The following SYT1 variants were observed in gnomAD, a reference collection of about 807,000 sequenced individuals.
The protein encoded by SYT1 is synaptotagmin-1.
Under a neutral mutation model 44.8 loss-of-function variants are expected in SYT1, and 8 were observed. That is an observed-to-expected ratio of 0.18 (90% CI 0.10 to 0.32). The LOEUF is 0.32. Among genes scored for constraint, SYT1 ranks in the 10% least tolerant of loss-of-function variants. The probability of loss-of-function intolerance (pLI) is 1.00; values close to 1 mark genes in which losing one functional copy is unlikely to be tolerated. For missense variants in SYT1, 286 were observed against 509.3 expected (o/e 0.56, Z 4.22); for synonymous variants, 154 against 188.8 (o/e 0.82, Z 1.51).
chr12:78,961,881 A>C (rs555992230), intron 1 of SYT1, among the ~76,000 whole-genome samples: 4 of 152,310 alleles, frequency 2.6e-5, no homozygotes, highest in African/African-American at 9.6e-5. Context: ...TAGCAACTTC[A>C]CAGTGACAAC....
chr12:79,069,132 T>C (rs971638374), intron 3 of SYT1, among the ~76,000 whole-genome samples: 7 of 152,116 alleles, frequency 4.6e-5, no homozygotes, highest in Non-Finnish European at 8.8e-5. Flanking sequence ...TTGTAGTGAA[T>C]TAATGTGTTT....
At chr12:79,300,698 CT>C (rs981378516) in intron 8 of SYT1, among the ~76,000 whole-genome samples, 2 of 148,968 alleles carry the variant, frequency 1.3e-5, no homozygotes, top group Admixed American at 6.7e-5. Context: ...AAACTCTGCT[CT>C]TTTTTTTGGA....
chr12:78,966,290 GTTA>G (rs1333705497), intron 1 of SYT1, among the ~76,000 whole-genome samples: 1 of 151,508 alleles, frequency 6.6e-6, no homozygotes, highest in Non-Finnish European at 1.5e-5. Context: ...GTATTTATTT[GTTA>G]TTATTTGAAT....
intron 9 of SYT1, among the ~76,000 whole-genome samples, chr12:79,373,042 A>G (rs531411463): frequency 6.6e-6 from 1 of 152,336 alleles, no homozygotes; most frequent in African/African-American, 2.4e-5. Flanking sequence ...ATGACAAGAT[A>G]TTTCCCTCAT....
chr12:79,262,046 C>G (rs1372528380), intron 4 of SYT1, among the ~76,000 whole-genome samples: 1 of 152,134 alleles, frequency 6.6e-6, no homozygotes, highest in Non-Finnish European at 1.5e-5. Flanking sequence ...TAAATCCAAT[C>G]TATTCTGATA....
intron 3 of SYT1, among the ~76,000 whole-genome samples, chr12:79,192,973 A>C (rs191012558): frequency 6.6e-6 from 1 of 152,288 alleles, no homozygotes; most frequent in East Asian, 1.9e-4. Context: ...CTGGCTAATT[A>C]TACCTGAATT....
At chr12:79,276,925 TGAAG>T (rs1164135965) in intron 4 of SYT1, among the ~76,000 whole-genome samples, 2 of 129,012 alleles carry the variant, frequency 1.6e-5, no homozygotes, top group East Asian at 2.3e-4. Context: ...GGAAAAATGA[TGAAG>T]GAAGGAGAAG....
chr12:79,190,317 A>G (rs552755519), intron 3 of SYT1, among the ~76,000 whole-genome samples: 28 of 152,222 alleles, frequency 1.8e-4, no homozygotes, highest in African/African-American at 6.3e-4. Flanking sequence ...TGAAGAATCA[A>G]CTTTCTCAGA....
At chr12:79,140,641 C>A (rs1027613599) in intron 3 of SYT1, among the ~76,000 whole-genome samples, 3 of 152,156 alleles carry the variant, frequency 2.0e-5, no homozygotes, top group African/African-American at 7.2e-5. Flanking sequence ...ATCAGCACCT[C>A]ATTGCATCTG....
intron 2 of SYT1, among the ~76,000 whole-genome samples, chr12:78,990,676 CAT>C (rs1259622582): frequency 6.6e-6 from 1 of 152,162 alleles, no homozygotes; most frequent in Admixed American, 6.6e-5. Context: ...ATTTTGTTCA[CAT>C]ATCTTATGTT....
At chr12:78,971,604 C>T (rs1473441020) in intron 1 of SYT1, among the ~76,000 whole-genome samples, 1 of 152,060 alleles carries the variant, frequency 6.6e-6, no homozygotes, top group Non-Finnish European at 1.5e-5. Flanking sequence ...TTTTTCCTAA[C>T]ATTTTTGATA....
intron 2 of SYT1, among the ~76,000 whole-genome samples, chr12:79,020,511 G>A (rs965831354): frequency 2.0e-5 from 3 of 151,886 alleles, no homozygotes; most frequent in African/African-American, 7.2e-5. Context: ...AGTCTTAGCA[G>A]GAAACCAATA....
chr12:79,301,397 T>C (rs1020648082), intron 8 of SYT1, among the ~76,000 whole-genome samples: 1 of 152,152 alleles, frequency 6.6e-6, no homozygotes, highest in African/African-American at 2.4e-5. Context: ...TCAGAAATCT[T>C]TGAGTACGAG....
intron 9 of SYT1, among the ~76,000 whole-genome samples, chr12:79,362,167 C>T (rs1329727393): frequency 6.6e-6 from 1 of 152,038 alleles, no homozygotes; most frequent in Non-Finnish European, 1.5e-5. Flanking sequence ...CCTTAAAACT[C>T]ATAATTCTGA....
chr12:79,049,074 T>C (rs1245092334), intron 3 of SYT1, among the ~76,000 whole-genome samples: 2 of 151,968 alleles, frequency 1.3e-5, no homozygotes, highest in Non-Finnish European at 2.9e-5. Flanking sequence ...CCAAGTGATA[T>C]CTACTTCACT....
intron 1 of SYT1, among the ~76,000 whole-genome samples, chr12:78,936,363 A>G (rs1460488927): frequency 2.6e-5 from 4 of 152,142 alleles, no homozygotes; most frequent in Non-Finnish European, 5.9e-5. Flanking sequence ...TTAGAATTCA[A>G]ATTATGACTT....
intron 8 of SYT1, among the ~76,000 whole-genome samples, chr12:79,313,711 C>T (rs1880926393): frequency 6.6e-6 from 1 of 151,804 alleles, no homozygotes; most frequent in Non-Finnish European, 1.5e-5. Context: ...CTATATGCAT[C>T]ACCATGACTC....
intron 9 of SYT1, among the ~76,000 whole-genome samples, chr12:79,375,102 A>G (rs1883938498): frequency 6.6e-6 from 1 of 152,210 alleles, no homozygotes; most frequent in African/African-American, 2.4e-5. Flanking sequence ...TGAAATATTA[A>G]TCTTTTTTAT....
intron 3 of SYT1, among the ~76,000 whole-genome samples, chr12:79,136,596 C>T (rs56115666): frequency 0.023 from 3,460 of 152,162 alleles, 117 homozygotes; most frequent in African/African-American, 0.079. Context: ...ACTCTAATAA[C>T]GACATTGTAA....
Sources: allele counts gnomAD v4.1 joint callset (sites outside exome capture counted in the v4.1 genomes callset), GRCh38; gene constraint gnomAD v4.1.1; transcripts MANE v1.5; gene names NCBI Gene and HGNC (gene_info 2026-07-23, HGNC 2026-07-21).